Variants in CMKLR2 observed in about 807,000 individuals in gnomAD.
CMKLR2 encodes the protein chemerin chemokine-like receptor 2.
CMKLR2 carries 18 observed loss-of-function variants against 23.0 expected under a neutral mutation model. That is an observed-to-expected ratio of 0.78 (90% confidence interval 0.54 to 1.16). CMKLR2 has a LOEUF of 1.16. CMKLR2 is among the 50% of genes most tolerant of loss of function. CMKLR2 has a pLI of 0.00. For synonymous variants in CMKLR2, 158 were observed against 158.9 expected (o/e 0.99, Z 0.05); for missense variants, 401 against 412.7 (o/e 0.97, Z 0.25).
chr2:206,187,711 G>A (rs575053410), intron 1 of CMKLR2, among the ~76,000 whole-genome samples: 12 of 152,252 alleles, frequency 7.9e-5, no homozygotes, highest in Non-Finnish European at 1.5e-4. Context: ...CAACTTAGCC[G>A]TGTGAAGATA....
At chr2:206,177,467 C>T (rs1688270734) in intron 1 of CMKLR2, among the ~76,000 whole-genome samples, 192 bp from the exon 2 acceptor site, 1 of 152,146 alleles carries the variant, frequency 6.6e-6, no homozygotes. Flanking sequence ...TGGCTCACTG[C>T]AGCCTTGACC....
upstream of CMKLR2, among the ~76,000 whole-genome samples, chr2:206,216,499 C>A (rs1161161583): frequency 6.6e-6 from 1 of 152,082 alleles, no homozygotes; most frequent in African/African-American, 2.4e-5. Flanking sequence ...GCAGGCAGGT[C>A]TTAAACTCCT....
intron 1 of CMKLR2, among the ~76,000 whole-genome samples, chr2:206,177,671 G>A (rs926002883): frequency 1.3e-5 from 2 of 152,162 alleles, no homozygotes; most frequent in Non-Finnish European, 2.9e-5. Flanking sequence ...ATAGGCATGA[G>A]CAACTATACC....
intron 1 of CMKLR2, among the ~76,000 whole-genome samples, chr2:206,179,373 C>G (rs1003280806): frequency 8.0e-6 from 1 of 124,938 alleles, no homozygotes; most frequent in African/African-American, 3.1e-5. Flanking sequence ...CCGCACCCAG[C>G]CTTTTTTTTT....
upstream of CMKLR2, among the ~76,000 whole-genome samples, chr2:206,215,905 T>C (rs1024808035): frequency 6.6e-6 from 1 of 152,158 alleles, no homozygotes; most frequent in Admixed American, 6.5e-5. Context: ...GTGGCAGAGT[T>C]GGGGTTTGGC....
rs536955406 is a variant in CMKLR2, at chr2:206,178,726, G to A, written c.-28-1451C>T. On this transcript the variant is annotated intron_variant, in intron 1 of 1. Coordinates refer to ENST00000621141, the MANE Select transcript of CMKLR2 (RefSeq NM_001389445.1). Reference sequence around the variant, plus strand: ...ATGCATGGCACGATCTCGGCTCACTGTAGCCTTTGCTTCCTGGGCTCAAGC... The same window carrying A: ...ATGCATGGCACGATCTCGGCTCACTATAGCCTTTGCTTCCTGGGCTCAAGC... Among the ~76,000 whole-genome samples the A allele has an allele frequency of 1.5e-3, 222 of 152,176 alleles. 2 individuals are homozygous for A. Among genetic ancestry groups the A allele is most frequent in the Non-Finnish European group, 2.7e-3 (181 of 68,010 alleles).
intron 1 of CMKLR2, among the ~76,000 whole-genome samples, chr2:206,196,051 C>A (rs141435209): frequency 6.6e-6 from 1 of 151,878 alleles, no homozygotes; most frequent in East Asian, 1.9e-4. Context: ...AACCACCAGG[C>A]ATTTGGGGCA....
chr2:206,214,051 AC>A (rs1420937120), upstream of CMKLR2, among the ~76,000 whole-genome samples: 1 of 151,074 alleles, frequency 6.6e-6, no homozygotes, highest in African/African-American at 2.4e-5. Flanking sequence ...ACGGGGTTTC[AC>A]CACGTTGGCC....
At chr2:206,194,744 CTTTTTTTTT>C (rs745647131) in intron 1 of CMKLR2, among the ~76,000 whole-genome samples, 6 of 76,870 alleles carry the variant, frequency 7.8e-5, no homozygotes, top group East Asian at 9.9e-4. Flanking sequence ...CCATCATAGA[CTTTTTTTTT>C]TTTTTTTTTT....
chr2:206,183,832 G>C (rs746621553), intron 1 of CMKLR2, among the ~76,000 whole-genome samples: 6 of 152,166 alleles, frequency 3.9e-5, no homozygotes, highest in Non-Finnish European at 5.9e-5. Context: ...ATTATAACTT[G>C]TTTGGCCACT....
chr2:206,204,266 A>C (rs938135062), intron 1 of CMKLR2, among the ~76,000 whole-genome samples: 11 of 148,578 alleles, frequency 7.4e-5, no homozygotes, highest in Non-Finnish European at 1.2e-4. Context: ...AGGCAGGAGA[A>C]TGGTGTGAAC....
intron 1 of CMKLR2, among the ~76,000 whole-genome samples, chr2:206,205,918 C>G (rs983753306): frequency 6.6e-6 from 1 of 151,798 alleles, no homozygotes; most frequent in Non-Finnish European, 1.5e-5. Flanking sequence ...AGGCTGGTCT[C>G]GAACTCCTGA....
At chr2:206,179,224 G>A (rs556723000) in intron 1 of CMKLR2, among the ~76,000 whole-genome samples, 18 of 146,344 alleles carry the variant, frequency 1.2e-4, no homozygotes, top group African/African-American at 4.0e-4. Flanking sequence ...ACAGGCATGT[G>A]CCACTACGCC....
At chr2:206,208,683 A>G (rs1417522680) in intron 1 of CMKLR2, among the ~76,000 whole-genome samples, 1 of 151,460 alleles carries the variant, frequency 6.6e-6, no homozygotes, top group Non-Finnish European at 1.5e-5. Flanking sequence ...TCTGTCATTC[A>G]GGCTAGAATG....
In CMKLR2 at chr2:206,202,377, T is replaced by A. The variant is rs538717495; in HGVS notation, c.-29+10930A>T. Among the ~76,000 whole-genome samples, 24 of 152,316 alleles carry A rather than the reference T, an allele frequency of 1.6e-4. 1 individual carries two copies. In the South Asian group the frequency reaches 5.0e-3, roughly 32 times the overall value. On this transcript the variant is annotated intron_variant, in intron 1 of 1. Transcript: ENST00000621141. ...AGAAGACGGTATGAAATATATTTTTTAAAATAATCTTTAGACTGTTTGAAA... is the reference window on the plus strand; with the variant it reads ...AGAAGACGGTATGAAATATATTTTTAAAAATAATCTTTAGACTGTTTGAAA...
intron 1 of CMKLR2, among the ~76,000 whole-genome samples, chr2:206,183,682 A>G (rs1400147231): frequency 6.6e-6 from 1 of 152,204 alleles, no homozygotes; most frequent in African/African-American, 2.4e-5. Context: ...CCTAAGACTT[A>G]CAGCAGATGT....
chr2:206,192,911 A>G (rs1384619087), intron 1 of CMKLR2, among the ~76,000 whole-genome samples: 1 of 152,184 alleles, frequency 6.6e-6, no homozygotes, highest in Non-Finnish European at 1.5e-5. Flanking sequence ...ATCATTCCAT[A>G]TACTTTAAAT....
At chr2:206,205,255 T>A (rs1689268663) in intron 1 of CMKLR2, among the ~76,000 whole-genome samples, 1 of 152,262 alleles carries the variant, frequency 6.6e-6, no homozygotes, top group Admixed American at 6.5e-5. Context: ...GGCTGAAAGA[T>A]GTGTGCATAT....
intron 1 of CMKLR2, among the ~76,000 whole-genome samples, chr2:206,200,384 T>C (rs551702804): frequency 1.3e-5 from 2 of 151,932 alleles, no homozygotes; most frequent in African/African-American, 4.8e-5. Flanking sequence ...GATGGCGCCA[T>C]TGCACTCCAG....
Sources: allele counts gnomAD v4.1 joint callset (sites outside exome capture counted in the v4.1 genomes callset), GRCh38; gene constraint gnomAD v4.1.1; transcripts MANE v1.5; gene names NCBI Gene and HGNC (gene_info 2026-07-23, HGNC 2026-07-21).